Variants in DDAH1 observed in about 807,000 individuals in gnomAD.
DDAH1 encodes the protein N(G),N(G)-dimethylarginine dimethylaminohydrolase 1.
Under a neutral mutation model 28.8 loss-of-function variants are expected in DDAH1, and 19 were observed. The ratio of observed to expected loss-of-function variants is 0.66; its 90% CI spans 0.46 to 0.97. The LOEUF (loss-of-function observed/expected upper bound fraction) is 0.97. DDAH1 is among the 50% of genes least tolerant of loss of function. The pLI, the probability that DDAH1 is intolerant of heterozygous loss-of-function variation, is 0.00. For synonymous variants in DDAH1, 153 were observed against 154.4 expected, an observed-to-expected ratio of 0.99 and a Z score of 0.07; for missense variants, 326 against 375.9, an observed-to-expected ratio of 0.87 and a Z score of 1.10.
intron 1 of DDAH1, among the ~76,000 whole-genome samples, chr1:85,499,625 A>G (rs1656724070): frequency 6.6e-6 from 1 of 152,068 alleles, no homozygotes; most frequent in African/African-American, 2.4e-5. Context: ...CAGTGAGCCA[A>G]GATCGCACCA....
chr1:85,458,316 T>C (rs582145), intron 1 of DDAH1, among the ~76,000 whole-genome samples: 86,159 of 151,950 alleles, frequency 0.57, 24,512 homozygotes, highest in South Asian at 0.73. Flanking sequence ...TTTATTCCTT[T>C]CTATGTGATG....
At chr1:85,543,223 C>T (rs1351457875) in intron 1 of DDAH1, among the ~76,000 whole-genome samples, 2 of 152,208 alleles carry the variant, frequency 1.3e-5, no homozygotes, top group Admixed American at 1.3e-4. Context: ...TCAAGAATTA[C>T]TGTTAGTTAA....
At chr1:85,546,186 A>C (rs1658620741) in intron 1 of DDAH1, among the ~76,000 whole-genome samples, 1 of 151,870 alleles carries the variant, frequency 6.6e-6, no homozygotes, top group South Asian at 2.1e-4. Context: ...AGTATTAAGA[A>C]GTGGGACCTT....
At chr1:85,470,853 T>G (rs913552339) in intron 2 of DDAH1, among the ~76,000 whole-genome samples, 7 of 152,166 alleles carry the variant, frequency 4.6e-5, no homozygotes, top group Admixed American at 4.6e-4. Context: ...GAAGAAACAT[T>G]TACTAAGCAT....
intron 1 of DDAH1, among the ~76,000 whole-genome samples, chr1:85,429,629 C>T (rs1299270828): frequency 1.3e-5 from 2 of 152,176 alleles, no homozygotes; most frequent in Non-Finnish European, 2.9e-5. Flanking sequence ...TACAGTCACA[C>T]CAACAGTGTA....
chr1:85,467,250 TC>T (rs1477453059), upstream of DDAH1: 3 of 152,272 alleles, frequency 2.0e-5, no homozygotes, highest in Non-Finnish European at 4.4e-5. Context: ...TCCATCTGTC[TC>T]TAGCTGGCCA....
chr1:85,393,937 AG>A (rs1313360985), intron 1 of DDAH1, among the ~76,000 whole-genome samples: 2 of 152,190 alleles, frequency 1.3e-5, no homozygotes, highest in Non-Finnish European at 2.9e-5. Flanking sequence ...ATCTTATAAA[AG>A]CTCTAAGATC....
At chr1:85,491,784 C>G (rs1306565529) in intron 2 of DDAH1, among the ~76,000 whole-genome samples, 1 of 152,142 alleles carries the variant, frequency 6.6e-6, no homozygotes, top group African/African-American at 2.4e-5. Context: ...AGTGTTTTTT[C>G]TGTATCTTTT....
At position 85,421,463 on chromosome 1, in the gene DDAH1, A is replaced by AT. The variant is rs890376062; in HGVS notation, c.303+43279dup. ...TCTGGGACTCCCAACCTCCTGAATGATTTTTTTTTTAAGTTTGCATACATT... is the reference window on the plus strand; with the variant it reads ...TCTGGGACTCCCAACCTCCTGAATGATTTTTTTTTTTAAGTTTGCATACATT... On this transcript the variant is annotated intron_variant, in intron 1 of 5. Transcript: ENST00000284031. 1.5e-3 allele frequency among the ~76,000 whole-genome samples: 219 copies of AT among 150,036 alleles called. 1 individual carries two copies. The highest frequency in any genetic ancestry group is 4.2e-3 in the African/African-American group (172 of 40,954).
chr1:85,545,422 A>T (rs543000477), intron 1 of DDAH1, among the ~76,000 whole-genome samples: 1 of 152,280 alleles, frequency 6.6e-6, no homozygotes, highest in East Asian at 1.9e-4. Context: ...AAAGATAAGG[A>T]TCAATTCTTA....
intron 1 of DDAH1, chr1:85,435,232 G>A (rs1340731750): frequency 2.6e-5 from 4 of 152,120 alleles, no homozygotes; most frequent in Non-Finnish European, 2.9e-5. Flanking sequence ...CAAAGAGTTC[G>A]ACCTGTAACT....
intron 1 of DDAH1, among the ~76,000 whole-genome samples, chr1:85,381,818 T>C (rs550973410): frequency 3.7e-4 from 57 of 152,294 alleles, no homozygotes; most frequent in African/African-American, 1.3e-3. Context: ...TATCTCTGTG[T>C]CACATTTTTG....
chr1:85,374,706 T>G (rs1557543920), intron 1 of DDAH1, among the ~76,000 whole-genome samples: 1 of 152,098 alleles, frequency 6.6e-6, no homozygotes, highest in Non-Finnish European at 1.5e-5. Context: ...TATGAGAATT[T>G]TTTTTTTGCT....
intron 1 of DDAH1, among the ~76,000 whole-genome samples, chr1:85,554,473 A>G (rs960339224): frequency 1.3e-5 from 2 of 152,046 alleles, no homozygotes; most frequent in African/African-American, 4.8e-5. Flanking sequence ...TTTTTAAATG[A>G]CTGGAAATTG....
rs368917983 is a variant in DDAH1 at position 85,350,534 on chromosome 1, C to T, written c.478G>A (p.Asp160Asn). The T allele has an allele frequency of 3.7e-6, 6 of 1,609,654 alleles. No homozygotes were observed. The highest frequency in any genetic ancestry group is 5.1e-6 in the Non-Finnish European group (6 of 1,178,932). Residue 160 changes from aspartate (D) to asparagine (N), a missense_variant and splice_region_variant, in exon 4 of 6, where the codon GAC becomes AAC. Physicochemically the swap from Asp to Asn is conservative, Grantham distance 23 (BLOSUM62 1). Transcript: ENST00000284031. ...ACTGGCACTGTGGAGACTGCATAGT[C>T]CTACGTGGACAATAGAAAAACAAGC... ...GAEILADTFK[D>N]YAVSTVPVAD... is the part of the protein sequence containing the mutation.
At chr1:85,440,774 C>T (rs140264900) in intron 1 of DDAH1, among the ~76,000 whole-genome samples, 67 of 150,464 alleles carry the variant, frequency 4.5e-4, no homozygotes, top group African/African-American at 1.5e-3. Context: ...ACCCCCTTAA[C>T]ACTACCTTCT....
chr1:85,577,987 T>A, exon 1 of DDAH1: 1 of 985,446 alleles, frequency 1.0e-6, no homozygotes, highest in South Asian at 4.7e-5. Flanking sequence ...CACTTACCCA[T>A]AAACATTTGC....
intron 1 of DDAH1, among the ~76,000 whole-genome samples, chr1:85,388,232 T>C (rs1651374734): frequency 6.6e-6 from 1 of 152,206 alleles, no homozygotes; most frequent in Admixed American, 6.5e-5. Context: ...GACTATCTCA[T>C]AGGGTTGATA....
chr1:85,398,270 T>G (rs1651901296), intron 1 of DDAH1, among the ~76,000 whole-genome samples: 1 of 152,230 alleles, frequency 6.6e-6, no homozygotes, highest in Non-Finnish European at 1.5e-5. Context: ...TGGTTATTCT[T>G]GCTGTACTTA....
Sources: gnomAD v4.1 joint callset for allele counts (sites outside exome capture counted in the v4.1 genomes callset) on GRCh38, gnomAD v4.1.1 for gene constraint, MANE v1.5 for transcripts, NCBI Gene and HGNC (gene_info 2026-07-23, HGNC 2026-07-21) for gene names.